Variants in IDUA observed in about 807,000 individuals in gnomAD.
IDUA encodes the protein iduronidase alpha-L-.
IDUA carries 65 observed loss-of-function variants against 68.9 expected under a neutral mutation model. The ratio of observed to expected loss-of-function variants is 0.94; its 90% CI spans 0.77 to 1.16. The LOEUF (loss-of-function observed/expected upper bound fraction) is 1.16. Among genes scored for constraint, IDUA ranks in the 50% most tolerant of loss-of-function variants. The pLI, the probability that IDUA is intolerant of heterozygous loss-of-function variation, is 0.00. For synonymous variants in IDUA, 529 were observed against 433.6 expected, an observed-to-expected ratio of 1.22 and a Z score of -2.73; for missense variants, 1,046 against 938.0, an observed-to-expected ratio of 1.12 and a Z score of -1.50.
chr4:995,735 A>T (rs560538025), intron 2 of IDUA, among the ~76,000 whole-genome samples: 1 of 152,198 alleles, frequency 6.6e-6, no homozygotes, highest in South Asian at 2.1e-4. Context: ...GACCCTGGAC[A>T]CTCACCCCAC....
In IDUA at chr4:989,786, C is replaced by T. The variant is rs146487540; in HGVS notation, c.299+1837C>T. The stretch of plus-strand genomic sequence containing the variant: ...AAGCAGTGGAGGAAGGCGGGTAGCA[C>T]GTTGCAGCAGCCCACAGCCAGCAGC... On this transcript the variant is annotated intron_variant, in intron 2 of 13. Transcript: ENST00000514224. The T allele has an allele frequency of 3.6e-4, 567 of 1,568,882 alleles. 1 individual carries two copies. The African/African-American group carries it at 6.3e-3, about 17-fold the overall frequency.
intron 2 of IDUA, chr4:991,569 G>A (rs959339596): frequency 1.2e-5 from 19 of 1,602,550 alleles, no homozygotes; most frequent in African/African-American, 2.7e-5. Context: ...GCGCCCGGAC[G>A]CACAGCACAC....
At chr4:992,159 TCA>T (rs1384884350) in intron 2 of IDUA, 11 of 467,338 alleles carry the variant, frequency 2.4e-5, no homozygotes, top group Admixed American at 1.9e-4. Context: ...CGTCAGAATG[TCA>T]CAGTCACTGG....
chr4:993,915 C>T (rs1714564642), intron 2 of IDUA, among the ~76,000 whole-genome samples: 1 of 152,154 alleles, frequency 6.6e-6, no homozygotes, highest in Non-Finnish European at 1.5e-5. Context: ...GCTCACCGCC[C>T]AGGGCGAGGA....
chr4:1,003,482 T>C lies in IDUA; in HGVS notation c.1650+12T>C, dbSNP rs1715248390. ...AGCCGCCCGGGCAGGCAAGTGGCAG[T>C]CCCCTAACCCGCGCCGCGGCCCGGA... On this transcript the variant is annotated intron_variant, in intron 11 of 13. Transcript: ENST00000514224. 1.3e-6 allele frequency: 2 copies of C among 1,582,562 alleles called. No individual in the cohort carries two copies. Among genetic ancestry groups the C allele is most frequent in the Non-Finnish European group, 1.7e-6 (2 of 1,170,642 alleles).
intron 2 of IDUA, among the ~76,000 whole-genome samples, chr4:996,024 G>A (rs1412545413): frequency 6.6e-6 from 1 of 152,072 alleles, no homozygotes; most frequent in African/African-American, 2.4e-5. Flanking sequence ...AGCTGAACAG[G>A]CTCCAGGGTC....
chr4:990,303 G>A (rs1247616681), intron 2 of IDUA: 5 of 1,604,954 alleles, frequency 3.1e-6, no homozygotes, highest in Admixed American at 3.4e-5. Flanking sequence ...CAAAGCCATC[G>A]AGCAGTGGCT....
chr4:1,003,042 T>C lies in IDUA; in HGVS notation c.1409T>C (p.Val470Ala). ...LRGVPPGPGL[V>A]YVTRYLDNGL... is the part of the protein sequence containing the mutation. ...TGAGTGTCAGGCCCCGCAGGCCTGGTCTACGTCACGCGCTACCTGGACAAC... is the reference window on the plus strand; with the variant it reads ...TGAGTGTCAGGCCCCGCAGGCCTGGCCTACGTCACGCGCTACCTGGACAAC... Residue 470 changes from valine to alanine, a missense_variant, in exon 10 of 14, where the codon GTC becomes GCC. Physicochemically the swap from Val to Ala is moderately conservative, Grantham distance 64 (BLOSUM62 0). Coordinates refer to ENST00000514224, the MANE Select transcript of IDUA (RefSeq NM_000203.5). 1 of 1,509,478 alleles carries C rather than the reference T, an allele frequency of 6.6e-7. No homozygotes were observed. The highest frequency in any genetic ancestry group is 1.2e-5 in the South Asian group (1 of 80,094). The allele number at this position is 1,509,478 out of a possible 1,614,324, so 93.5% of individuals were successfully genotyped here.
chr4:1,003,615 G>T lies in IDUA; in HGVS notation c.1717G>T (p.Val573Leu), dbSNP rs146588560. 5.0e-6 allele frequency: 8 copies of T among 1,612,320 alleles called. No homozygotes were observed. In the Admixed American group the frequency reaches 1.3e-4, roughly 27 times the overall value. The change falls in exon 12 of 14, where the codon GTG becomes TTG. Residue 573 changes from valine (V) to leucine (L), a missense_variant. Coordinates refer to ENST00000514224, the MANE Select transcript of IDUA (RefSeq NM_000203.5). ...GGTTCTGGTCTGGTCGGATGAACAC[G>T]TGGGCTCCAAGTGCGTGAGTGGGGC... ...QLVLVWSDEH[V>L]GSKCLWTYEI...
chr4:988,600 T>A, intron 2 of IDUA: 1 of 1,368,112 alleles, frequency 7.3e-7, no homozygotes, highest in South Asian at 1.8e-5. Context: ...GCCAGCACTG[T>A]GGGCCAGCCT....
chr4:1,000,209 T>C, intron 2 of IDUA: 1 of 311,212 alleles, frequency 3.2e-6, no homozygotes, highest in Non-Finnish European at 6.2e-6. Context: ...TGTTGCCTCT[T>C]GGGGTGTGGG....
rs924185641 is a variant in IDUA, at chr4:989,440, C to A, written c.299+1491C>A. 7 of 1,554,172 alleles carry A rather than the reference C, an allele frequency of 4.5e-6. No homozygotes were observed. The East Asian group carries it at 1.7e-4, about 38-fold the overall frequency. Reference sequence around the variant, plus strand: ...TGGGCGTTGGGTGCGGCCGGCCAGGCTGAGCAGCGAGAGGATGACGCCAGC... The same window carrying A: ...TGGGCGTTGGGTGCGGCCGGCCAGGATGAGCAGCGAGAGGATGACGCCAGC... On this transcript the variant is annotated intron_variant, in intron 2 of 13. Transcript: ENST00000514224.
At position 1,003,622 on chromosome 4, in the gene IDUA, C is replaced by T. The variant is rs1715262626; in HGVS notation, c.1724C>T (p.Ser575Phe). ...GTCTGGTCGGATGAACACGTGGGCT[C>T]CAAGTGCGTGAGTGGGGCCGCCCCT... ...VLVWSDEHVG[S>F]KCLWTYEIQF... The change falls in exon 12 of 14, where the codon TCC becomes TTC. Residue 575 changes from serine (S) to phenylalanine (F), a missense_variant. Coordinates refer to ENST00000514224, the MANE Select transcript of IDUA (RefSeq NM_000203.5). 1.2e-6 allele frequency: 2 copies of T among 1,612,298 alleles called. No individual in the cohort carries two copies. The highest frequency in any genetic ancestry group is 2.7e-5 in the African/African-American group (2 of 74,900).
chr4:990,621 T>C, intron 2 of IDUA: 1 of 516,548 alleles, frequency 1.9e-6, no homozygotes. Context: ...CTAACCCTTG[T>C]CACGTGCAGC....
intron 5 of IDUA, 47 bp from the exon 6 acceptor site, chr4:1,001,632 C>T (rs1314200491): frequency 1.2e-6 from 2 of 1,606,976 alleles, no homozygotes; most frequent in Non-Finnish European, 1.7e-6. Flanking sequence ...AGAGGCTAAG[C>T]CGCTCATCCC....
chr4:992,272 A>G, intron 2 of IDUA: 1 of 449,390 alleles, frequency 2.2e-6, no homozygotes, highest in South Asian at 1.6e-5. Context: ...CCCACACCAG[A>G]GCCCTCCCTC....
At chr4:1,001,336 CGG>C in intron 4 of IDUA, 130 bp from the exon 5 acceptor site, 1 of 831,346 alleles carries the variant, frequency 1.2e-6, no homozygotes, top group Non-Finnish European at 2.1e-6. Flanking sequence ...TGATGTGGGG[CGG>C]GAGGCTGGCC....
intron 2 of IDUA, among the ~76,000 whole-genome samples, chr4:994,889 G>A (rs1163928556): frequency 2.6e-5 from 4 of 152,098 alleles, no homozygotes; most frequent in Non-Finnish European, 2.9e-5. Flanking sequence ...TTAGGCCACT[G>A]CACCCTATCC....
intron 2 of IDUA, among the ~76,000 whole-genome samples, chr4:999,223 A>G (rs897145620): frequency 1.5e-4 from 23 of 151,850 alleles, no homozygotes; most frequent in Admixed American, 1.4e-3. Context: ...AAAAAAGAAA[A>G]AAGAAAAATG....
Sources: gnomAD v4.1 joint callset for allele counts (sites outside exome capture counted in the v4.1 genomes callset) on GRCh38, gnomAD v4.1.1 for gene constraint, MANE v1.5 for transcripts, NCBI Gene and HGNC (gene_info 2026-07-23, HGNC 2026-07-21) for gene names.